CSMD3: variants seen among roughly 807,000 people sequenced by gnomAD.
CSMD3 encodes CUB and sushi domain-containing protein 3.
In CSMD3, 177 loss-of-function variants were observed where a neutral mutation model predicts 435.2. That is an observed-to-expected ratio of 0.41 (90% CI 0.36 to 0.46). The LOEUF (loss-of-function observed/expected upper bound fraction) is 0.46. Among genes scored for constraint, CSMD3 ranks in the 20% least tolerant of loss-of-function variants. CSMD3 has a pLI of 0.34. For missense variants in CSMD3, 4,265 were observed against 4,504.6 expected, an observed-to-expected ratio of 0.95 and a Z score of 1.52; for synonymous variants, 1,656 against 1,520.5, an observed-to-expected ratio of 1.09 and a Z score of -2.07.
chr8:112,720,822 ATT>A (rs1232953235), intron 13 of CSMD3, among the ~76,000 whole-genome samples: 1 of 152,210 alleles, frequency 6.6e-6, no homozygotes, highest in Admixed American at 6.5e-5. Flanking sequence ...AAATTTATAT[ATT>A]TTCTGTTTAT....
At chr8:113,014,436 C>T (rs1189709843) in intron 6 of CSMD3, among the ~76,000 whole-genome samples, 1 of 151,820 alleles carries the variant, frequency 6.6e-6, no homozygotes, top group Non-Finnish European at 1.5e-5. Flanking sequence ...GATTGGCAGC[C>T]CCACCAAGAT....
At chr8:112,982,858 A>G (rs1179036595) in intron 6 of CSMD3, among the ~76,000 whole-genome samples, 1 of 152,012 alleles carries the variant, frequency 6.6e-6, no homozygotes, top group Admixed American at 6.6e-5. Flanking sequence ...TTTATTTTTC[A>G]GGATATAAAC....
At chr8:113,390,956 T>C (rs2094458898) in intron 1 of CSMD3, among the ~76,000 whole-genome samples, 1 of 151,908 alleles carries the variant, frequency 6.6e-6, no homozygotes, top group Non-Finnish European at 1.5e-5. Flanking sequence ...AAACCTCATA[T>C]TTGGAGAGGC....
In CSMD3 at chr8:112,762,981, T is replaced by C. The variant is rs112846692; in HGVS notation, c.1972+37181A>G. Reference sequence around the variant, plus strand: ...ATAGAACTAATTAGTTCAAGCGATGTATTGTACCTGATGACTATAGGTATT... The same window carrying C: ...ATAGAACTAATTAGTTCAAGCGATGCATTGTACCTGATGACTATAGGTATT... On this transcript the variant is annotated intron_variant, in intron 13 of 70. Coordinates refer to ENST00000297405, the MANE Select transcript of CSMD3 (RefSeq NM_198123.2). Among the ~76,000 whole-genome samples, 808 of 151,848 alleles carry C rather than the reference T, an allele frequency of 5.3e-3. 2 individuals carry two copies. The highest frequency in any genetic ancestry group is 0.018 in the African/African-American group (757 of 41,498).
chr8:112,291,616 G>A lies in CSMD3; in HGVS notation c.8868C>T (p.Gly2956=), dbSNP rs1819771958. 21 of 1,610,194 alleles carry A rather than the reference G, an allele frequency of 1.3e-5. No homozygotes were observed. The highest frequency in any genetic ancestry group is 1.6e-5 in the Non-Finnish European group (19 of 1,176,980). ...GATTGCAGTCATAGAATACCACAGT[G>A]CCGTAAGTAAAATTTCCATGTTCTA... ...SKIEHGNFTY[G]TVVFYDCNPG... The change falls in exon 56 of 71, where the codon GGC becomes GGT. Residue 2956 remains glycine (G), a synonymous_variant. Transcript: ENST00000297405.
intron 32 of CSMD3, among the ~76,000 whole-genome samples, chr8:112,433,042 T>G (rs1813885868): frequency 6.6e-6 from 1 of 152,266 alleles, no homozygotes; most frequent in Non-Finnish European, 1.5e-5. Flanking sequence ...TCAAATTACA[T>G]TTTTGGCATG....
At chr8:113,175,702 A>G (rs1037523194) in intron 3 of CSMD3, among the ~76,000 whole-genome samples, 9 of 152,032 alleles carry the variant, frequency 5.9e-5, no homozygotes, top group African/African-American at 2.2e-4. Context: ...TGAGGTTAAT[A>G]AGTTTTGACA....
At chr8:112,632,407 C>T (rs778826290) in intron 22 of CSMD3, among the ~76,000 whole-genome samples, 23 of 151,836 alleles carry the variant, frequency 1.5e-4, no homozygotes, top group African/African-American at 4.6e-4. Context: ...CAATGACACA[C>T]GAAATTAGAA....
intron 67 of CSMD3, among the ~76,000 whole-genome samples, chr8:112,235,805 A>C (rs1346883696): frequency 6.6e-6 from 1 of 152,108 alleles, no homozygotes; most frequent in South Asian, 2.1e-4. Context: ...ATTGCTGAAA[A>C]ATTGCTACAA....
intron 1 of CSMD3, among the ~76,000 whole-genome samples, chr8:113,374,615 T>C (rs960555874): frequency 6.6e-6 from 1 of 151,928 alleles, no homozygotes; most frequent in African/African-American, 2.4e-5. Context: ...GAGTAAGACA[T>C]TTTCACATTG....
At chr8:112,510,478 T>C in intron 28 of CSMD3, among the ~76,000 whole-genome samples, 1 of 152,168 alleles carries the variant, frequency 6.6e-6, no homozygotes. Flanking sequence ...CCCTTCTACA[T>C]TTATATAACT....
chr8:112,405,214 C>CATATATATATATATATATATATATAT (rs71309768), intron 35 of CSMD3, among the ~76,000 whole-genome samples: 4 of 19,068 alleles, frequency 2.1e-4, no homozygotes, highest in African/African-American at 2.8e-4. Flanking sequence ...AAAAAACCCC[C>CATATATATATATATATATATATATAT]ATATATATAT....
At chr8:112,934,048 C>T (rs2083202106) in intron 9 of CSMD3, among the ~76,000 whole-genome samples, 1 of 151,904 alleles carries the variant, frequency 6.6e-6, no homozygotes, top group African/African-American at 2.4e-5. Flanking sequence ...AGGGTTTAGC[C>T]CAATGTCTGC....
chr8:112,859,453 C>G (rs1001097637), intron 10 of CSMD3, among the ~76,000 whole-genome samples, 187 bp from the exon 11 acceptor site: 1 of 151,470 alleles, frequency 6.6e-6, no homozygotes, highest in African/African-American at 2.4e-5. Flanking sequence ...TTCACAAGCT[C>G]GATATTTTCA....
chr8:112,396,919 T>G (rs953890238), intron 35 of CSMD3, among the ~76,000 whole-genome samples: 1 of 152,090 alleles, frequency 6.6e-6, no homozygotes, highest in Admixed American at 6.6e-5. Context: ...TGTAGTGAGA[T>G]AAAAAGCTAT....
At chr8:113,005,554 A>G (rs1014374348) in intron 6 of CSMD3, among the ~76,000 whole-genome samples, 3 of 151,990 alleles carry the variant, frequency 2.0e-5, no homozygotes, top group Admixed American at 2.0e-4. Context: ...TTTGAGAGTC[A>G]CTGACATACC....
intron 10 of CSMD3, among the ~76,000 whole-genome samples, chr8:112,905,588 G>A (rs11783832): frequency 0.027 from 4,065 of 151,442 alleles, 66 homozygotes; most frequent in Middle Eastern, 0.048. Context: ...TCCCTCCAGA[G>A]CAAAGATGTG....
At chr8:112,349,662 T>C (rs1233934594) in intron 40 of CSMD3, among the ~76,000 whole-genome samples, 1 of 152,122 alleles carries the variant, frequency 6.6e-6, no homozygotes, top group Non-Finnish European at 1.5e-5. Flanking sequence ...GCATTACATG[T>C]ATATATATGA....
chr8:113,217,715 G>C (rs2092921536), intron 3 of CSMD3, among the ~76,000 whole-genome samples: 1 of 151,480 alleles, frequency 6.6e-6, no homozygotes, highest in Non-Finnish European at 1.5e-5. Context: ...GTGATATGTA[G>C]AGGAATATCA....
Sources: allele counts gnomAD v4.1 joint callset (sites outside exome capture counted in the v4.1 genomes callset), GRCh38; gene constraint gnomAD v4.1.1; transcripts MANE v1.5; gene names NCBI Gene and HGNC (gene_info 2026-07-23, HGNC 2026-07-21).